The following ATXN1 variants were observed in gnomAD, a reference collection of about 807,000 sequenced individuals.
ATXN1 encodes the protein ataxin-1.
In ATXN1, 8 loss-of-function variants were observed where a neutral mutation model predicts 56.4. The ratio of observed to expected loss-of-function variants is 0.14; its 90% confidence interval spans 0.08 to 0.26. The LOEUF is 0.26. Ranked by LOEUF, ATXN1 falls within the 10% of genes least tolerant of loss-of-function variation. ATXN1 has a pLI of 1.00. For synonymous variants in ATXN1, 514 were observed against 494.6 expected (o/e 1.04, Z -0.52); for missense variants, 987 against 1,106.5 (o/e 0.89, Z 1.53).
intron 6 of ATXN1, among the ~76,000 whole-genome samples, chr6:16,444,008 C>T (rs961205067): frequency 4.0e-5 from 6 of 151,362 alleles, no homozygotes; most frequent in Admixed American, 1.3e-4. Context: ...CCCAGCTACT[C>T]GGGAGGCTGA....
chr6:16,754,542 C>G (rs564140518), intron 1 of ATXN1: 1 of 152,158 alleles, frequency 6.6e-6, no homozygotes, highest in Non-Finnish European at 1.5e-5. Context: ...CATACACACT[C>G]ACTATTTTTA....
At chr6:16,615,314 A>G (rs1763187827) in intron 3 of ATXN1, 1 of 151,296 alleles carries the variant, frequency 6.6e-6, no homozygotes, top group Non-Finnish European at 1.5e-5. Context: ...TTTTGTCATC[A>G]TCGCATCTTG....
intron 6 of ATXN1, among the ~76,000 whole-genome samples, chr6:16,370,847 A>G (rs929924377): frequency 3.9e-5 from 6 of 152,240 alleles, no homozygotes; most frequent in Non-Finnish European, 7.3e-5. Context: ...TACAGTTTGT[A>G]ACTAACTGTA....
At chr6:16,331,662 A>G (rs1383710682) in intron 6 of ATXN1, among the ~76,000 whole-genome samples, 2 of 152,250 alleles carry the variant, frequency 1.3e-5, no homozygotes, top group African/African-American at 4.8e-5. Context: ...AGGCAGCACT[A>G]GGGAAGAAAA....
intron 2 of ATXN1, among the ~76,000 whole-genome samples, chr6:16,741,148 C>G (rs1201914797): frequency 6.6e-6 from 1 of 152,164 alleles, no homozygotes; most frequent in Non-Finnish European, 1.5e-5. Flanking sequence ...CTCGTAGGTT[C>G]TGTTTTCTCC....
intron 6 of ATXN1, among the ~76,000 whole-genome samples, chr6:16,381,965 G>A (rs961707163): frequency 1.3e-5 from 2 of 152,194 alleles, no homozygotes; most frequent in Non-Finnish European, 2.9e-5. Flanking sequence ...CAGAATGAAA[G>A]TTTATTCAAA....
chr6:16,354,727 C>A (rs1296100926), intron 6 of ATXN1, among the ~76,000 whole-genome samples: 1 of 152,178 alleles, frequency 6.6e-6, no homozygotes, highest in Non-Finnish European at 1.5e-5. Context: ...TTGGAGGCAA[C>A]AAGTAGATCA....
intron 4 of ATXN1, among the ~76,000 whole-genome samples, chr6:16,555,301 G>GATGTAC (rs1271100119): frequency 1.3e-5 from 2 of 152,128 alleles, no homozygotes; most frequent in African/African-American, 4.8e-5. Context: ...TGAGGTGCTA[G>GATGTAC]ATGTACAACA....
intron 6 of ATXN1, among the ~76,000 whole-genome samples, chr6:16,338,518 C>T (rs774410866): frequency 1.3e-5 from 2 of 152,144 alleles, no homozygotes; most frequent in Non-Finnish European, 2.9e-5. Flanking sequence ...ATTTTACTTG[C>T]GATTATACAT....
chr6:16,444,157 T>C (rs1340837330), intron 6 of ATXN1, among the ~76,000 whole-genome samples: 1 of 151,466 alleles, frequency 6.6e-6, no homozygotes, highest in African/African-American at 2.4e-5. Context: ...TCTATATCTA[T>C]ATCTAGAGAG....
At chr6:16,457,076 A>G (rs1759891239) in intron 6 of ATXN1, among the ~76,000 whole-genome samples, 1 of 152,140 alleles carries the variant, frequency 6.6e-6, no homozygotes, top group African/African-American at 2.4e-5. Flanking sequence ...GAGGCATATT[A>G]TCTTTATAGT....
At chr6:16,382,325 C>T (rs377087142) in intron 6 of ATXN1, among the ~76,000 whole-genome samples, 26 of 151,254 alleles carry the variant, frequency 1.7e-4, no homozygotes, top group African/African-American at 6.1e-4. Flanking sequence ...TACCCAGGTA[C>T]GGTGGTGTGC....
At chr6:16,411,857 T>C (rs1317468589) in intron 6 of ATXN1, among the ~76,000 whole-genome samples, 1 of 152,242 alleles carries the variant, frequency 6.6e-6, no homozygotes, top group Non-Finnish European at 1.5e-5. Context: ...ATGCCACATA[T>C]CATCTTGTCC....
At position 16,327,660 on chromosome 6, in the gene ATXN1, C is replaced by CTGA. The variant is rs1554138036; in HGVS notation, c.650_651insTCA (p.Gln216_Gln217insHis). On this transcript the variant is annotated inframe_insertion, in exon 7 of 8. Transcript: ENST00000436367. ...GCTGCTGCTGCTGCTGCTGCTGCTG[C>CTGA]TGCTGCTGCTGCTGCTGATGCTGAT... The CTGA allele has an allele frequency of 1.3e-5, 20 of 1,554,336 alleles. No individual in the cohort carries two copies. Among genetic ancestry groups the CTGA allele is most frequent in the Non-Finnish European group, 1.6e-5 (19 of 1,160,018 alleles).
chr6:16,315,837 T>C (rs1196357271), intron 7 of ATXN1, among the ~76,000 whole-genome samples: 1 of 152,140 alleles, frequency 6.6e-6, no homozygotes, highest in East Asian at 1.9e-4. Context: ...TAATGTTTTG[T>C]TGGTGAAGAT....
intron 3 of ATXN1, among the ~76,000 whole-genome samples, chr6:16,655,684 C>A (rs903508298): frequency 6.6e-6 from 1 of 151,408 alleles, no homozygotes. Context: ...AGAAAGAAAC[C>A]CCGTCTCAAA....
intron 3 of ATXN1, among the ~76,000 whole-genome samples, chr6:16,649,870 G>T (rs1365749486): frequency 6.6e-6 from 1 of 152,002 alleles, no homozygotes; most frequent in African/African-American, 2.4e-5. Context: ...CTGTCTTCAT[G>T]AATCATTTAC....
intron 5 of ATXN1, among the ~76,000 whole-genome samples, chr6:16,492,378 A>C (rs1384732012): frequency 1.3e-5 from 2 of 152,038 alleles, no homozygotes; most frequent in African/African-American, 4.8e-5. Context: ...TACATATGTA[A>C]CTAACCTGCA....
At chr6:16,425,552 C>A (rs1192608960) in intron 6 of ATXN1, among the ~76,000 whole-genome samples, 1 of 152,210 alleles carries the variant, frequency 6.6e-6, no homozygotes, top group Non-Finnish European at 1.5e-5. Context: ...TTCAAAACAG[C>A]AGATTTCAGA....
Sources: gnomAD v4.1 joint callset for allele counts (sites outside exome capture counted in the v4.1 genomes callset) on GRCh38, gnomAD v4.1.1 for gene constraint, MANE v1.5 for transcripts, NCBI Gene and HGNC (gene_info 2026-07-23, HGNC 2026-07-21) for gene names.